TRIM24: variants seen among roughly 807,000 people sequenced by gnomAD.
TRIM24 encodes the protein transcription intermediary factor 1-alpha.
Under a neutral mutation model 123.9 loss-of-function variants are expected in TRIM24, and 29 were observed. That is an observed-to-expected ratio of 0.23 (90% CI 0.17 to 0.32). TRIM24 has a LOEUF of 0.32. Ranked by LOEUF, TRIM24 falls within the 10% of genes least tolerant of loss-of-function variation. The pLI, the probability that TRIM24 is intolerant of heterozygous loss-of-function variation, is 1.00. For synonymous variants in TRIM24, 456 were observed against 461.1 expected (o/e 0.99, Z 0.14); for missense variants, 932 against 1,295.3 (o/e 0.72, Z 4.31).
At chr7:138,519,392 C>A in intron 4 of TRIM24, 71 bp downstream of exon 4, 1 of 1,498,256 alleles carries the variant, frequency 6.7e-7, no homozygotes, top group Admixed American at 2.3e-5. Context: ...GCTGCCAACC[C>A]TCATCAAATG....
intron 1 of TRIM24, among the ~76,000 whole-genome samples, chr7:138,483,003 A>G (rs886655814): frequency 6.6e-6 from 1 of 152,108 alleles, no homozygotes; most frequent in Non-Finnish European, 1.5e-5. Flanking sequence ...CTGCAGCCTC[A>G]GCCTCCTGGG....
intron 6 of TRIM24, among the ~76,000 whole-genome samples, chr7:138,535,778 C>G (rs746595321): frequency 3.9e-4 from 60 of 152,142 alleles, no homozygotes; most frequent in Middle Eastern, 3.4e-3. Context: ...GCTAGGTTGG[C>G]GAAGTTCTCC....
At chr7:138,514,063 G>A (rs1250193983) in intron 2 of TRIM24, among the ~76,000 whole-genome samples, 1 of 152,210 alleles carries the variant, frequency 6.6e-6, no homozygotes, top group Non-Finnish European at 1.5e-5. Flanking sequence ...GGAAGCAGAA[G>A]TCACTGGTAT....
intron 1 of TRIM24, among the ~76,000 whole-genome samples, chr7:138,475,465 T>C (rs1795376514): frequency 1.3e-5 from 2 of 152,186 alleles, no homozygotes; most frequent in South Asian, 4.1e-4. Context: ...AACTGGCCTA[T>C]TAAGAGAAAA....
chr7:138,532,702 T>C lies in TRIM24; in HGVS notation c.996+3472T>C, dbSNP rs1046292163. On this transcript the variant is annotated intron_variant, in intron 6 of 18. Transcript: ENST00000343526. ...GATTGTCTTGGCAATGCGGGCTCTT[T>C]TTTGGTTCCATATGAACTTGAAAAT... 6.6e-5 allele frequency among the ~76,000 whole-genome samples: 10 copies of C among 152,318 alleles called. No individual in the cohort carries two copies. The South Asian group carries it at 1.4e-3, about 22-fold the overall frequency.
intron 2 of TRIM24, among the ~76,000 whole-genome samples, chr7:138,508,662 A>AGTGT (rs781643258): frequency 0.024 from 2,719 of 112,814 alleles, 69 homozygotes; most frequent in East Asian, 0.093. Flanking sequence ...TAATAAGAGG[A>AGTGT]GTGTGTGTGT....
At chr7:138,578,135 T>C (rs756246322) in intron 14 of TRIM24, among the ~76,000 whole-genome samples, 10 of 152,150 alleles carry the variant, frequency 6.6e-5, no homozygotes, top group South Asian at 2.1e-4. Context: ...CTGTTGGAGA[T>C]TGTGAGAATA....
intron 7 of TRIM24, among the ~76,000 whole-genome samples, chr7:138,546,995 G>T (rs1797114668): frequency 6.6e-6 from 1 of 152,106 alleles, no homozygotes; most frequent in Non-Finnish European, 1.5e-5. Flanking sequence ...TGGGTTCATT[G>T]CAACATTATT....
At chr7:138,462,476 G>A (rs1795017552) in intron 1 of TRIM24, among the ~76,000 whole-genome samples, 1 of 151,400 alleles carries the variant, frequency 6.6e-6, no homozygotes, top group African/African-American at 2.4e-5. Context: ...GAGTAGCTGG[G>A]ACTACAGGCG....
At chr7:138,514,603 A>G (rs757731480) in intron 2 of TRIM24, 1 of 152,066 alleles carries the variant, frequency 6.6e-6, no homozygotes, top group African/African-American at 2.4e-5. Flanking sequence ...ATCCCTCCTC[A>G]TGCTTTCCCC....
chr7:138,523,292 T>C (rs965121049), intron 4 of TRIM24, among the ~76,000 whole-genome samples: 1 of 152,240 alleles, frequency 6.6e-6, no homozygotes, highest in Admixed American at 6.5e-5. Flanking sequence ...TGAAAATTTT[T>C]ACATGATATT....
chr7:138,478,049 G>A (rs1367193747), intron 1 of TRIM24, among the ~76,000 whole-genome samples: 1 of 152,110 alleles, frequency 6.6e-6, no homozygotes, highest in Non-Finnish European at 1.5e-5. Context: ...ACTGTACTAT[G>A]CTCTGCACCT....
intron 1 of TRIM24, among the ~76,000 whole-genome samples, chr7:138,468,477 C>T (rs1770392098): frequency 6.6e-6 from 1 of 151,054 alleles, no homozygotes; most frequent in Admixed American, 6.6e-5. Context: ...TTTTTTTAAT[C>T]TATGTGTTTG....
At chr7:138,578,920 G>GTATATATATATATATATATATATA (rs71177997) in intron 14 of TRIM24, among the ~76,000 whole-genome samples, 2 of 146,360 alleles carry the variant, frequency 1.4e-5, no homozygotes, top group African/African-American at 5.0e-5. Flanking sequence ...CTCCAGTGAG[G>GTATATATATATATATATATATATA]TATATATATA....
intron 9 of TRIM24, among the ~76,000 whole-genome samples, chr7:138,560,542 T>A (rs961967179): frequency 2.0e-5 from 3 of 152,234 alleles, no homozygotes; most frequent in African/African-American, 7.2e-5. Context: ...GAGTGGGCCC[T>A]TGCCGTGGGT....
At chr7:138,515,616 A>T (rs1796378117) in intron 3 of TRIM24, among the ~76,000 whole-genome samples, 3 of 152,312 alleles carry the variant, frequency 2.0e-5, no homozygotes, top group African/African-American at 7.2e-5. Flanking sequence ...TATAGAACAA[A>T]TGGAGAAAAA....
chr7:138,476,507 T>G lies in TRIM24; in HGVS notation c.364+15595T>G, dbSNP rs1039129836. Among the ~76,000 whole-genome samples, 5 of 150,234 alleles carry G rather than the reference T, an allele frequency of 3.3e-5. No individual in the cohort carries two copies. In the Admixed American group the frequency reaches 3.3e-4, roughly 10 times the overall value. On this transcript the variant is annotated intron_variant, in intron 1 of 18. Coordinates refer to ENST00000343526, the MANE Select transcript of TRIM24 (RefSeq NM_015905.3). The stretch of plus-strand genomic sequence containing the variant: ...ACTCAGGAGGCTGAGGCAGGAGAAA[T>G]GCTTGAACCTGGGAGGCGGAGGTTG...
chr7:138,480,343 T>C (rs1025355169), intron 1 of TRIM24, among the ~76,000 whole-genome samples: 5 of 152,216 alleles, frequency 3.3e-5, no homozygotes, highest in South Asian at 2.1e-4. Flanking sequence ...TTTGGGACTT[T>C]GTGTGAAAGG....
At chr7:138,539,176 C>G (rs545686458) in intron 7 of TRIM24, among the ~76,000 whole-genome samples, 5 of 151,960 alleles carry the variant, frequency 3.3e-5, no homozygotes, top group African/African-American at 4.8e-5. Flanking sequence ...CTATTCACCC[C>G]CCTTGTACAC....
Sources: allele counts gnomAD v4.1 joint callset (sites outside exome capture counted in the v4.1 genomes callset), GRCh38; gene constraint gnomAD v4.1.1; transcripts MANE v1.5; gene names NCBI Gene and HGNC (gene_info 2026-07-23, HGNC 2026-07-21).